SIM2: variants seen among roughly 807,000 people sequenced by gnomAD.
SIM2 encodes the protein SIM bHLH transcription factor 2.
A neutral mutation model predicts 64.8 loss-of-function variants in SIM2; 28 were observed. That is an observed-to-expected ratio of 0.43 (90% CI 0.32 to 0.59). The LOEUF (loss-of-function observed/expected upper bound fraction) is 0.59, where lower values mean the gene tolerates loss of function less well. SIM2 is among the 20% of genes least tolerant of loss of function. The pLI is 0.07. For missense variants in SIM2, 847 were observed against 871.4 expected (o/e 0.97, Z 0.35); for synonymous variants, 408 against 391.1 (o/e 1.04, Z -0.51).
At chr21:36,739,795 T>C (rs187283720) in intron 7 of SIM2, among the ~76,000 whole-genome samples, 2 of 151,976 alleles carry the variant, frequency 1.3e-5, no homozygotes, top group East Asian at 3.9e-4. Context: ...AATGGCAAAC[T>C]ATGGGAGGGC....
chr21:36,732,161 G>A (rs1250685409), intron 7 of SIM2, among the ~76,000 whole-genome samples: 2 of 152,208 alleles, frequency 1.3e-5, no homozygotes, highest in Non-Finnish European at 2.9e-5. Context: ...GGGATTACAG[G>A]CATGAGCCAC....
At chr21:36,741,920 C>T (rs559691919) in intron 8 of SIM2, 56 bp downstream of exon 8, 15 of 1,456,228 alleles carry the variant, frequency 1.0e-5, no homozygotes, top group African/African-American at 7.0e-5. Context: ...TGTCCCACAT[C>T]GGATGGCTCC....
At chr21:36,708,794 TATCCCCG>T (rs1387405110) in intron 1 of SIM2, among the ~76,000 whole-genome samples, 1 of 152,188 alleles carries the variant, frequency 6.6e-6, no homozygotes, top group African/African-American at 2.4e-5. Context: ...GTCAAATCGA[TATCCCCG>T]TTTGGCCACG....
intron 10 of SIM2, among the ~76,000 whole-genome samples, chr21:36,746,992 T>C (rs1364018189): frequency 6.6e-6 from 1 of 152,122 alleles, no homozygotes; most frequent in African/African-American, 2.4e-5. Context: ...CTTTTTGGTA[T>C]TAAAGGAAGA....
chr21:36,699,683 G>A lies in SIM2; in HGVS notation c.-64G>A. 1.9e-6 allele frequency: 3 copies of A among 1,556,820 alleles called. No individual in the cohort carries two copies. The highest frequency in any genetic ancestry group is 1.7e-6 in the Non-Finnish European group (2 of 1,151,638). On this transcript the variant is annotated 5_prime_UTR_variant, in exon 1 of 11. Transcript: ENST00000290399. This position sits in a 1 kb window ranked among gnomAD's most constrained non-coding sequence, Gnocchi z 5.6. Reference sequence around the variant, plus strand: ...CCCCTTCCCCATCCCCGCCGCCGCAGCCCGAGCGGGGCTCCGCGGGCCTGG... The same window carrying A: ...CCCCTTCCCCATCCCCGCCGCCGCAACCCGAGCGGGGCTCCGCGGGCCTGG...
chr21:36,713,507 G>A (rs555375585), intron 3 of SIM2, among the ~76,000 whole-genome samples: 4 of 152,294 alleles, frequency 2.6e-5, no homozygotes, highest in African/African-American at 9.6e-5. Flanking sequence ...TTCACATTGT[G>A]TACTATCAGA....
rs774518103 is a variant in SIM2 at position 36,731,136 on chromosome 21, T to C, written c.835T>C (p.Tyr279His). 3.7e-6 allele frequency: 6 copies of C among 1,613,732 alleles called. No individual in the cohort carries two copies. The highest frequency in any genetic ancestry group is 1.7e-5 in the Admixed American group (1 of 60,028). The change falls in exon 7 of 11, where the codon TAC (tyrosine) becomes CAC (histidine). Residue 279 changes from tyrosine (Y) to histidine (H), a missense_variant. By Grantham distance (83) the Tyr-to-His change is moderately conservative. This residue lies in a region of SIM2 where 397 missense variants were observed against 439.2 expected (regional missense o/e 0.90). Transcript: ENST00000290399. ...CGGCTGCGACGTGTTCCACCTCCGC[T>C]ACGCACACCACCTCCGTGAGTAGCA... is the stretch of plus-strand genomic sequence containing the variant. Reference protein sequence around the residue: ...VHGCDVFHLRYAHHLLLVKGQ... With the variant: ...VHGCDVFHLRHAHHLLLVKGQ...
intron 8 of SIM2, 138 bp downstream of exon 8, chr21:36,742,002 T>TA: frequency 2.0e-6 from 1 of 495,410 alleles, no homozygotes; most frequent in Non-Finnish European, 2.8e-6. Flanking sequence ...TTTTTTTTAA[T>TA]TTTTTTTTTT....
At position 36,724,484 on chromosome 21, in the gene SIM2, T is replaced by C. The variant is rs527481553; in HGVS notation, c.543+1354T>C. ...TTGTGGAGATGGGGTCTTGCTGTGT[T>C]TCCAGGCTGGTCTTGAGTCCCTAGC... On this transcript the variant is annotated intron_variant, in intron 5 of 10. Transcript: ENST00000290399. Among the ~76,000 whole-genome samples the C allele has an allele frequency of 5.9e-5, 9 of 152,348 alleles. No homozygotes were observed. In the South Asian group the frequency reaches 1.7e-3, roughly 28 times the overall value.
At chr21:36,730,577 C>T (rs144118189) in intron 6 of SIM2, among the ~76,000 whole-genome samples, 258 of 152,254 alleles carry the variant, frequency 1.7e-3, no homozygotes, top group African/African-American at 5.9e-3. Context: ...TGTGAGTGCA[C>T]CAAATACCAC....
intron 1 of SIM2, among the ~76,000 whole-genome samples, chr21:36,700,286 T>TC (rs397721171): frequency 7.1e-6 from 1 of 141,530 alleles, no homozygotes; most frequent in African/African-American, 2.6e-5. Context: ...TGGATTTTTT[T>TC]CTCTCTTTCT....
chr21:36,741,587 A>C (rs1359913589), intron 7 of SIM2, 130 bp from the exon 8 acceptor site: 33 of 978,218 alleles, frequency 3.4e-5, no homozygotes, highest in Non-Finnish European at 4.7e-5. Context: ...TGCACCCTCC[A>C]GCGGAGAAAG....
At chr21:36,721,735 C>G (rs2088824641) in intron 4 of SIM2, among the ~76,000 whole-genome samples, 1 of 152,100 alleles carries the variant, frequency 6.6e-6, no homozygotes, top group Non-Finnish European at 1.5e-5. Context: ...CGTGCCTGGC[C>G]TGAAAATTGC....
chr21:36,719,911 C>A lies in SIM2; in HGVS notation c.439C>A (p.His147Asn). 1 of 1,605,360 alleles carries A rather than the reference C, an allele frequency of 6.2e-7. No individual in the cohort carries two copies. Among genetic ancestry groups the A allele is most frequent in the Non-Finnish European group, 8.5e-7 (1 of 1,172,606 alleles). Residue 147 changes from histidine (H) to asparagine (N), a missense_variant, in exon 4 of 11, where the codon CAC becomes AAC. Physicochemically the swap from His to Asn is moderately conservative, Grantham distance 68. Around this residue, in one of 3 missense-constraint regions of SIM2, gnomAD observed 397 missense variants for 439.2 expected, o/e 0.90. Transcript: ENST00000290399. ...TAVLTAHQPL[H>N]HHLLQEYEIE... ...TGTCCTCACGGCCCACCAGCCGCTG[C>A]ACCACCACCTGCTCCAAGGTATTCC...
chr21:36,708,782 G>A (rs1438154624), intron 1 of SIM2, among the ~76,000 whole-genome samples: 1 of 152,188 alleles, frequency 6.6e-6, no homozygotes, highest in Admixed American at 6.5e-5. Flanking sequence ...GAATATTTGC[G>A]GGTCAAATCG....
At chr21:36,721,609 T>G (rs1356019393) in intron 4 of SIM2, among the ~76,000 whole-genome samples, 1 of 151,938 alleles carries the variant, frequency 6.6e-6, no homozygotes, top group African/African-American at 2.4e-5. Flanking sequence ...CCTGGCTAAT[T>G]TTTTTGTATT....
intron 10 of SIM2, chr21:36,746,084 G>A (rs1246879119): frequency 1.2e-6 from 1 of 825,736 alleles, no homozygotes; most frequent in Non-Finnish European, 1.6e-6. Context: ...GGGAGGCCAA[G>A]GTGGGCGGAT....
intron 6 of SIM2, among the ~76,000 whole-genome samples, chr21:36,727,691 G>A (rs1007908807): frequency 4.6e-5 from 7 of 152,170 alleles, no homozygotes; most frequent in Admixed American, 2.0e-4. Context: ...GGCGTGGGGT[G>A]TGTGTGTGCG....
At chr21:36,703,606 T>G (rs577793663) in intron 1 of SIM2, among the ~76,000 whole-genome samples, 2 of 152,222 alleles carry the variant, frequency 1.3e-5, no homozygotes, top group East Asian at 3.9e-4. Context: ...ACTAATACAT[T>G]GGAGGTAGAT....
Sources: gnomAD v4.1 joint callset for allele counts (sites outside exome capture counted in the v4.1 genomes callset) on GRCh38, gnomAD v4.1.1 for gene constraint, gnomAD v4.1.1 regional missense constraint, Gnocchi (gnomAD v3.1) non-coding constraint, MANE v1.5 for transcripts, NCBI Gene and HGNC (gene_info 2026-07-23, HGNC 2026-07-21) for gene names.